The following INTU variants were observed in gnomAD, a reference collection of about 807,000 sequenced individuals.
The protein encoded by INTU is inturned planar cell polarity protein.
In INTU, 68 loss-of-function variants were observed where a neutral mutation model predicts 100.5. That is an observed-to-expected ratio of 0.68 (90% CI 0.56 to 0.83). The LOEUF (loss-of-function observed/expected upper bound fraction) is 0.83. Among genes scored for constraint, INTU ranks in the 40% least tolerant of loss-of-function variants. The pLI is 0.00. For synonymous variants in INTU, 357 were observed against 395.7 expected (o/e 0.90, Z 1.16); for missense variants, 1,071 against 1,114.7 (o/e 0.96, Z 0.56).
In INTU at chr4:127,705,583, A is replaced by T; in HGVS notation, c.1567-8A>T. The T allele has an allele frequency of 6.2e-7, 1 of 1,609,252 alleles. No homozygotes were observed. Among genetic ancestry groups the T allele is most frequent in the Admixed American group, 1.7e-5 (1 of 59,956 alleles). ...GGTAGACTTTTGCTCTTTGTGGTTA[A>T]ATTCAAGGGTTATTTGATATGCAGT... On this transcript the variant is annotated splice_region_variant and splice_polypyrimidine_tract_variant and intron_variant, in intron 10 of 15. Coordinates refer to ENST00000335251, the MANE Select transcript of INTU (RefSeq NM_015693.4).
intron 7 of INTU, chr4:127,687,435 T>C: frequency 4.0e-6 from 1 of 252,760 alleles, no homozygotes. Flanking sequence ...GTTAGCCCTG[T>C]GGTTCTTCCA....
Position 127,693,482 on chromosome 4 carries a change from T to C in INTU, c.1449+5615T>C, listed in dbSNP as rs139331652. 8.7e-3 allele frequency among the ~76,000 whole-genome samples: 1,319 copies of C among 152,286 alleles called. 13 individuals carry two copies. Among genetic ancestry groups the C allele is most frequent in the Admixed American group, 0.016 (244 of 15,286 alleles). ...TCTAGATGCTTTTTGGATGAGTCTT[T>C]AGGGTTTTCTAGGTATATAGTCATA... On this transcript the variant is annotated intron_variant, in intron 8 of 15. Transcript: ENST00000335251.
intron 3 of INTU, among the ~76,000 whole-genome samples, chr4:127,661,317 TG>T (rs1466813478): frequency 2.6e-5 from 4 of 152,332 alleles, no homozygotes; most frequent in African/African-American, 7.2e-5. Context: ...TGAAGAAAAT[TG>T]GTGAATTTTT....
chr4:127,688,939 C>CCTTTATTTCTTTCTTTTT (rs1729963225), intron 8 of INTU, among the ~76,000 whole-genome samples: 1 of 87,338 alleles, frequency 1.1e-5, no homozygotes, highest in African/African-American at 6.1e-5. Flanking sequence ...ATTACCCTTT[C>CCTTTATTTCTTTCTTTTT]CTTTCTTTCT....
intron 6 of INTU, among the ~76,000 whole-genome samples, chr4:127,679,852 A>G (rs943446237): frequency 2.0e-5 from 3 of 152,052 alleles, no homozygotes; most frequent in Non-Finnish European, 4.4e-5. Context: ...TTGATAGACC[A>G]CTAGCAAGAC....
intron 6 of INTU, among the ~76,000 whole-genome samples, chr4:127,675,353 C>T (rs1413049912): frequency 1.3e-5 from 2 of 152,108 alleles, no homozygotes; most frequent in Non-Finnish European, 2.9e-5. Context: ...AAAAGATGTA[C>T]CAGAAAGATG....
At position 127,632,983 on chromosome 4, in the gene INTU, C is replaced by G; in HGVS notation, c.-52C>G. On this transcript the variant is annotated 5_prime_UTR_variant, in exon 1 of 16. Coordinates refer to ENST00000335251, the MANE Select transcript of INTU (RefSeq NM_015693.4). Reference sequence around the variant, plus strand: ...GAGGCAACATGGCGGCCTTAGCAAGCTATAGCTGCGAGATTTGAATTACTC... The same window carrying G: ...GAGGCAACATGGCGGCCTTAGCAAGGTATAGCTGCGAGATTTGAATTACTC... 6.4e-7 allele frequency: 1 copy of G among 1,574,236 alleles called. No homozygotes were observed. Among genetic ancestry groups the G allele is most frequent in the Non-Finnish European group, 8.7e-7 (1 of 1,154,526 alleles).
In INTU at chr4:127,716,561, G is replaced by T; in HGVS notation, c.*125G>T. On this transcript the variant is annotated 3_prime_UTR_variant, in exon 16 of 16. Coordinates refer to ENST00000335251, the MANE Select transcript of INTU (RefSeq NM_015693.4). ...ACTATTCAATATTGAACATAATATT[G>T]TTAAATATTGAGATGAAATGCTGTT... 1 of 401,924 alleles carries T rather than the reference G, an allele frequency of 2.5e-6. No homozygotes were observed. The highest frequency in any genetic ancestry group is 3.7e-5 in the East Asian group (1 of 27,242). 24.9% of individuals were successfully genotyped at this position (401,924 alleles called of 1,614,324 possible).
At chr4:127,657,066 G>A (rs1303983473) in intron 3 of INTU, among the ~76,000 whole-genome samples, 1 of 151,930 alleles carries the variant, frequency 6.6e-6, no homozygotes, top group Non-Finnish European at 1.5e-5. Context: ...GGAGTTTTCT[G>A]TTCTCTGACT....
chr4:127,671,576 T>C, intron 5 of INTU, among the ~76,000 whole-genome samples: 1 of 151,864 alleles, frequency 6.6e-6, no homozygotes, highest in Admixed American at 6.6e-5. Flanking sequence ...AAACTAAAAA[T>C]AGAACTACAA....
chr4:127,685,412 A>G (rs1729778752), intron 7 of INTU: 1 of 455,206 alleles, frequency 2.2e-6, no homozygotes, highest in Non-Finnish European at 4.4e-6. Context: ...GTTTATCTAT[A>G]GTGGATCTTT....
At chr4:127,703,617 A>G (rs925400750) in intron 9 of INTU, among the ~76,000 whole-genome samples, 2 of 152,068 alleles carry the variant, frequency 1.3e-5, no homozygotes, top group Non-Finnish European at 2.9e-5. Context: ...ATATAGATCA[A>G]TCATATTTTT....
intron 6 of INTU, among the ~76,000 whole-genome samples, chr4:127,679,405 C>T (rs1409255520): frequency 6.6e-6 from 1 of 152,170 alleles, no homozygotes; most frequent in African/African-American, 2.4e-5. Context: ...CAAACTGTCT[C>T]TCAGACCACA....
In INTU at chr4:127,687,736, C is replaced by T. The variant is rs781734332; in HGVS notation, c.1318C>T (p.Gln440Ter). Residue 440 changes from glutamine (Q) to a stop codon, truncating the protein, a stop_gained, in exon 8 of 16, where the codon CAA becomes TAA. Coordinates refer to ENST00000335251, the MANE Select transcript of INTU (RefSeq NM_015693.4). LOFTEE classifies it high-confidence loss of function. ...GGATCATTTTTTTAACTTGTTCTTT[C>T]AAAGAGCACTTCAGCCTGCGAAACT... Reference protein sequence around the residue: ...RLDHFFNLFFQRALQPAKLHS... With the variant: ...RLDHFFNLFF 1.9e-6 allele frequency: 3 copies of T among 1,613,204 alleles called. No individual in the cohort carries two copies. Among genetic ancestry groups the T allele is most frequent in the Non-Finnish European group, 2.5e-6 (3 of 1,179,448 alleles).
Position 127,720,083 on chromosome 4 carries a change from T to C in INTU, c.*3647T>C, listed in dbSNP as rs75435236. The C allele has an allele frequency of 6.6e-6, 1 of 152,170 alleles. No individual in the cohort carries two copies. Among genetic ancestry groups the C allele is most frequent in the East Asian group, 1.9e-4 (1 of 5,196 alleles). The allele number at this position is 152,170 out of a possible 1,614,324, so 9.4% of individuals were successfully genotyped here. A position where few individuals can be genotyped will look rare whatever the true frequency, so the allele number is the denominator to read the frequency against. ...TTAGTTGTGATACTAGGGTGTCGAT[T>C]TGAGATCTTTCTAGCTTTTTGATGT... On this transcript the variant is annotated 3_prime_UTR_variant, in exon 16 of 16. Transcript: ENST00000335251.
In INTU at chr4:127,694,140, G is replaced by A. The variant is rs1730277534; in HGVS notation, c.1450-5870G>A. On this transcript the variant is annotated intron_variant, in intron 8 of 15. Transcript: ENST00000335251. The stretch of plus-strand genomic sequence containing the variant: ...CTGTCTTTCAGAATAGTGTCAATAG[G>A]TTTGGTACCAATTCTTTTTTGAATG... Among the ~76,000 whole-genome samples the A allele has an allele frequency of 2.0e-5, 3 of 152,010 alleles. No individual in the cohort carries two copies. In the South Asian group the frequency reaches 6.2e-4, roughly 32 times the overall value.
At chr4:127,653,001 A>C (rs1727972318) in intron 2 of INTU, among the ~76,000 whole-genome samples, 1 of 150,050 alleles carries the variant, frequency 6.7e-6, no homozygotes, top group African/African-American at 2.5e-5. Context: ...TTTCTAGTTT[A>C]TTTGCGTAGA....
chr4:127,653,472 G>T (rs1158349618), intron 2 of INTU, among the ~76,000 whole-genome samples: 1 of 150,120 alleles, frequency 6.7e-6, no homozygotes, highest in African/African-American at 2.5e-5. Flanking sequence ...CCTTCATTTC[G>T]TTATGTATCC....
At chr4:127,675,271 T>G (rs1053920149) in intron 6 of INTU, among the ~76,000 whole-genome samples, 6 of 152,224 alleles carry the variant, frequency 3.9e-5, no homozygotes, top group Non-Finnish European at 8.8e-5. Context: ...TAATATGTGA[T>G]GGATACAACT....
Sources: gnomAD v4.1 joint callset for allele counts (sites outside exome capture counted in the v4.1 genomes callset) on GRCh38, gnomAD v4.1.1 for gene constraint, MANE v1.5 for transcripts, NCBI Gene and HGNC (gene_info 2026-07-23, HGNC 2026-07-21) for gene names.